The following SLC44A2 variants were observed in gnomAD, a reference collection of about 807,000 sequenced individuals.
The protein encoded by SLC44A2 is choline transporter-like protein 2.
Under a neutral mutation model 90.8 loss-of-function variants are expected in SLC44A2, and 57 were observed. The ratio of observed to expected loss-of-function variants is 0.63; its 90% CI spans 0.51 to 0.78. The LOEUF is 0.78. Among genes scored for constraint, SLC44A2 ranks in the 30% least tolerant of loss-of-function variants. The pLI is 0.00. For missense variants in SLC44A2, 794 were observed against 919.7 expected (o/e 0.86, Z 1.77); for synonymous variants, 355 against 360.7 (o/e 0.98, Z 0.18).
In SLC44A2 at chr19:10,637,662, C is replaced by A; in HGVS notation, c.1610C>A (p.Ala537Asp). 1.2e-6 allele frequency: 2 copies of A among 1,614,116 alleles called. No individual in the cohort carries two copies. Among genetic ancestry groups the A allele is most frequent in the Non-Finnish European group, 1.7e-6 (2 of 1,180,012 alleles). ...CTTCCAGCTGCAGAGAACAAGTTTG[C>A]CAAGTGCCTCATGACCTGTCTCAAA... Reference protein sequence around the residue: ...QRLKAAENKFAKCLMTCLKCC... With the variant: ...QRLKAAENKFDKCLMTCLKCC... The change falls in exon 17 of 22, where the codon GCC becomes GAC. Residue 537 changes from alanine to aspartate, a missense_variant. Ala to Asp is a moderately radical substitution (Grantham distance 126, BLOSUM62 -2). Coordinates refer to ENST00000335757, the MANE Select transcript of SLC44A2 (RefSeq NM_020428.4).
chr19:10,619,842 C>T (rs990865593), intron 1 of SLC44A2, among the ~76,000 whole-genome samples: 1 of 152,066 alleles, frequency 6.6e-6, no homozygotes, highest in East Asian at 1.9e-4. Context: ...GTAGTCCCAG[C>T]TACTTGGGAG....
chr19:10,626,916 A>G (rs1172922215), intron 2 of SLC44A2, among the ~76,000 whole-genome samples: 3 of 144,590 alleles, frequency 2.1e-5, no homozygotes, highest in Non-Finnish European at 4.6e-5. Context: ...AGGCTGAGGC[A>G]GGAGAATTGC....
chr19:10,625,576 G>T lies in SLC44A2; in HGVS notation c.-58G>T. The stretch of plus-strand genomic sequence containing the variant: ...TCAGTGCCTCCCTCCAGACTCGGGA[G>T]GGTCGAGGGGGCGCGGGAGAGAGCG... On this transcript the variant is annotated 5_prime_UTR_variant, in exon 1 of 22. In the 5' UTR this introduces an upstream ATG that the reference lacks. Coordinates refer to ENST00000335757, the MANE Select transcript of SLC44A2 (RefSeq NM_020428.4). 4 of 1,235,852 alleles carry T rather than the reference G, an allele frequency of 3.2e-6. No individual in the cohort carries two copies. The highest frequency in any genetic ancestry group is 2.8e-4 in the Middle Eastern group (1 of 3,524). The allele number at this position is 1,235,852 out of a possible 1,614,324, so 76.6% of individuals were successfully genotyped here.
Position 10,627,734 on chromosome 19 carries a change from T to C in SLC44A2, c.99T>C (p.Asp33=). The C allele has an allele frequency of 6.2e-7, 1 of 1,613,454 alleles. No homozygotes were observed. Among genetic ancestry groups the C allele is most frequent in the Non-Finnish European group, 8.5e-7 (1 of 1,179,966 alleles). ...KGPIYNRGCT[D]IICCVFLLLA... is the part of the protein sequence containing the mutation. ...CTCTGCTCCCCAGGGGCTGCACGGA[T>C]ATCATATGCTGTGTGTTCCTGCTCC... The change falls in exon 3 of 22, where the codon GAT becomes GAC. Residue 33 remains aspartate, a synonymous_variant. Transcript: ENST00000335757.
At position 10,642,364 on chromosome 19, in the gene SLC44A2, C is replaced by T. The variant is rs761070995; in HGVS notation, c.1930-3C>T. The T allele has an allele frequency of 6.2e-6, 10 of 1,613,910 alleles. No homozygotes were observed. Among genetic ancestry groups the T allele is most frequent in the Non-Finnish European group, 5.1e-6 (6 of 1,179,946 alleles). On this transcript the variant is annotated splice_polypyrimidine_tract_variant and splice_region_variant and intron_variant, in intron 20 of 21. Transcript: ENST00000335757. Reference sequence around the variant, plus strand: ...CAGGGACAGCTCGTTTCTCCTTGCCCAGACGGTGATCGTTGGCTCCTACTT... The same window carrying T: ...CAGGGACAGCTCGTTTCTCCTTGCCTAGACGGTGATCGTTGGCTCCTACTT...
intron 20 of SLC44A2, among the ~76,000 whole-genome samples, chr19:10,638,599 C>T (rs1214902283): frequency 2.2e-4 from 34 of 152,098 alleles, no homozygotes; most frequent in Non-Finnish European, 8.8e-5. Context: ...TGCCTGCCCC[C>T]ACACCTGCCT....
intron 1 of SLC44A2, among the ~76,000 whole-genome samples, chr19:10,609,841 C>T (rs1480921244): frequency 6.6e-6 from 1 of 151,990 alleles, no homozygotes; most frequent in Non-Finnish European, 1.5e-5. Flanking sequence ...GAATCTGTCT[C>T]TGTTGCCCAG....
upstream of SLC44A2, among the ~76,000 whole-genome samples, chr19:10,623,459 A>G (rs2066906393): frequency 6.6e-6 from 1 of 152,124 alleles, no homozygotes; most frequent in South Asian, 2.1e-4. Context: ...CACTAAATGT[A>G]TATTCCTGCT....
In SLC44A2 at chr19:10,637,725, T is replaced by G; in HGVS notation, c.1673T>G (p.Leu558Arg). The G allele has an allele frequency of 4.3e-6, 7 of 1,614,164 alleles. No individual in the cohort carries two copies. ...TGCCTGGAGAAGTTCATCAAATTCC[T>G]TAATAGGAATGCCTACATCATGGTG... ...FWCLEKFIKF[L>R]NRNAYIMIAI... Residue 558 changes from leucine to arginine, a missense_variant, in exon 17 of 22, where the codon CTT becomes CGT. This residue lies in a region of SLC44A2 where 738 missense variants were observed against 841.1 expected (regional missense o/e 0.88). Transcript: ENST00000335757.
Position 10,637,711 on chromosome 19 carries a change from G to A in SLC44A2, c.1659G>A (p.Lys553=), listed in dbSNP as rs371805689. Residue 553 remains lysine, a synonymous_variant, in exon 17 of 22, where the codon AAG becomes AAA. Transcript: ENST00000335757. ...AATGCTGCTTCTGGTGCCTGGAGAA[G>A]TTCATCAAATTCCTTAATAGGAATG... ...CLKCCFWCLE[K]FIKFLNRNAY... is the part of the protein sequence containing the mutation. 18 of 1,614,022 alleles carry A rather than the reference G, an allele frequency of 1.1e-5. No individual in the cohort carries two copies. The African/African-American group carries it at 2.0e-4, about 18-fold the overall frequency.
rs1212281228 is a variant in SLC44A2 at position 10,631,083 on chromosome 19, A to C, written c.272A>C (p.Asn91Thr). ...AACAAACCCTATCTGTTTTATTTCA[A>C]CATTGTGAAATGTGCCAGCCCCCTG... ...NENKPYLFYF[N>T]IVKCASPLVL... The change falls in exon 5 of 22, where the codon AAC (asparagine) becomes ACC (threonine). Residue 91 changes from asparagine (N) to threonine (T), a missense_variant. This residue lies in a region of SLC44A2 where 738 missense variants were observed against 841.1 expected (regional missense o/e 0.88). Coordinates refer to ENST00000335757, the MANE Select transcript of SLC44A2 (RefSeq NM_020428.4). 26 of 1,613,710 alleles carry C rather than the reference A, an allele frequency of 1.6e-5. No individual in the cohort carries two copies. The highest frequency in any genetic ancestry group is 2.1e-5 in the Non-Finnish European group (25 of 1,179,988).
chr19:10,627,501 A>T (rs1015332436), intron 2 of SLC44A2, among the ~76,000 whole-genome samples: 1 of 152,146 alleles, frequency 6.6e-6, no homozygotes, highest in Admixed American at 6.6e-5. Flanking sequence ...TGATCATGCC[A>T]CTGTACTCCA....
chr19:10,631,210 G>A, intron 5 of SLC44A2, 65 bp from the exon 6 acceptor site: 7 of 1,604,424 alleles, frequency 4.4e-6, no homozygotes, highest in South Asian at 1.1e-5. Flanking sequence ...GTGAATGTGG[G>A]CTGCGACCTC....
At chr19:10,628,762 T>C (rs1283083692) in intron 4 of SLC44A2, among the ~76,000 whole-genome samples, 3 of 152,106 alleles carry the variant, frequency 2.0e-5, no homozygotes, top group Non-Finnish European at 4.4e-5. Context: ...AGAGCAAGCA[T>C]AGCCTGAGTG....
intron 20 of SLC44A2, chr19:10,641,512 G>T (rs2067115937): frequency 2.4e-6 from 1 of 416,562 alleles, no homozygotes; most frequent in Non-Finnish European, 4.7e-6. Context: ...GCATAAATTA[G>T]ATTTAAGTCA....
rs759678017 is a variant in SLC44A2 at position 10,631,068 on chromosome 19, A to G, written c.257A>G (p.Tyr86Cys). Residue 86 changes from tyrosine (Y) to cysteine (C), a missense_variant, in exon 5 of 22, where the codon TAT becomes TGT. By Grantham distance (194) the Tyr-to-Cys change is radical (BLOSUM62 -2). This residue lies in a region of SLC44A2 where 738 missense variants were observed against 841.1 expected (regional missense o/e 0.88). Transcript: ENST00000335757. Reference sequence around the variant, plus strand: ...TTCTCTAACTCCAGGAACAAACCCTATCTGTTTTATTTCAACATTGTGAAA... The same window carrying G: ...TTCTCTAACTCCAGGAACAAACCCTGTCTGTTTTATTTCAACATTGTGAAA... ...QKGTKNENKP[Y>C]LFYFNIVKCA... 4.3e-6 allele frequency: 7 copies of G among 1,612,866 alleles called. No individual in the cohort carries two copies. In the East Asian group the frequency reaches 1.1e-4, roughly 26 times the overall value.
chr19:10,638,231 C>G lies in SLC44A2; in HGVS notation c.1845C>G (p.Ile615Met). Residue 615 changes from isoleucine (I) to methionine (M), a missense_variant, in exon 20 of 22, where the codon ATC becomes ATG. Ile to Met is a conservative substitution (Grantham distance 10). Coordinates refer to ENST00000335757, the MANE Select transcript of SLC44A2 (RefSeq NM_020428.4). ...TGCTTTCTTCTCCTTCTCCAGGGAT[C>G]CTGGCTTTCTTCTTCTTCACCCACC... ...GKLLIVGSVG[I>M]LAFFFFTHRI... The G allele has an allele frequency of 6.2e-7, 1 of 1,614,092 alleles. No individual in the cohort carries two copies. Among genetic ancestry groups the G allele is most frequent in the Non-Finnish European group, 8.5e-7 (1 of 1,180,028 alleles).
chr19:10,603,311 C>T (rs1416200081), intron 1 of SLC44A2, among the ~76,000 whole-genome samples: 2 of 152,136 alleles, frequency 1.3e-5, no homozygotes, highest in Non-Finnish European at 1.5e-5. Flanking sequence ...CCCCTGAATT[C>T]CCACGGTGGG....
chr19:10,638,558 C>T (rs1001770460), intron 20 of SLC44A2, among the ~76,000 whole-genome samples: 1 of 152,128 alleles, frequency 6.6e-6, no homozygotes, highest in East Asian at 1.9e-4. Context: ...AATTCTCGAG[C>T]TTTTGCCTCC....
Sources: gnomAD v4.1 joint callset for allele counts (sites outside exome capture counted in the v4.1 genomes callset) on GRCh38, gnomAD v4.1.1 for gene constraint, gnomAD v4.1.1 regional missense constraint, MANE v1.5 for transcripts, NCBI Gene and HGNC (gene_info 2026-07-23, HGNC 2026-07-21) for gene names.